USPL1: variants seen among roughly 807,000 people sequenced by gnomAD.
The protein encoded by USPL1 is SUMO-specific isopeptidase USPL1.
USPL1 carries 27 observed loss-of-function variants against 51.5 expected under a neutral mutation model. The ratio of observed to expected loss-of-function variants is 0.52; its 90% CI spans 0.39 to 0.72. The LOEUF (loss-of-function observed/expected upper bound fraction) is 0.72, where lower values mean the gene tolerates loss of function less well. Ranked by LOEUF, USPL1 falls within the 30% of genes least tolerant of loss-of-function variation. USPL1 has a pLI of 0.00. For synonymous variants in USPL1, 451 were observed against 459.6 expected (o/e 0.98, Z 0.24); for missense variants, 1,226 against 1,268.0 (o/e 0.97, Z 0.50).
chr13:30,621,788 T>G lies in USPL1; in HGVS notation c.124T>G (p.Ser42Ala), dbSNP rs774361891. ...GAATTTTGATTCAGCTAAAGTTCCA[T>G]CAGATGAGTATTGCCCTGCTTGTAG... ...GKNFDSAKVPSDEYCPACREK... is the reference protein window; with the variant it reads ...GKNFDSAKVPADEYCPACREK... The change falls in exon 3 of 9, where the codon TCA becomes GCA. Residue 42 changes from serine to alanine, a missense_variant. Physicochemically the swap from Ser to Ala is moderately conservative, Grantham distance 99 (BLOSUM62 1). Coordinates refer to ENST00000255304, the MANE Select transcript of USPL1 (RefSeq NM_005800.5). The G allele has an allele frequency of 6.4e-7, 1 of 1,551,472 alleles. No homozygotes were observed. Among genetic ancestry groups the G allele is most frequent in the Non-Finnish European group, 8.7e-7 (1 of 1,153,348 alleles).
intron 7 of USPL1, among the ~76,000 whole-genome samples, chr13:30,651,864 G>A (rs191509589): frequency 6.0e-4 from 92 of 152,268 alleles, no homozygotes; most frequent in African/African-American, 2.2e-3. Context: ...GCTGTGGTGG[G>A]AGAATCACTT....
rs749149317 is a variant in USPL1, at chr13:30,647,005, C to T, written c.1186C>T (p.Pro396Ser). 23 of 1,613,536 alleles carry T rather than the reference C, an allele frequency of 1.4e-5. No individual in the cohort carries two copies. The highest frequency in any genetic ancestry group is 2.2e-5 in the South Asian group (2 of 91,050). Residue 396 changes from proline to serine, a missense_variant, in exon 7 of 9, where the codon CCA (proline) becomes TCA (serine). Physicochemically the swap from Pro to Ser is moderately conservative, Grantham distance 74. Coordinates refer to ENST00000255304, the MANE Select transcript of USPL1 (RefSeq NM_005800.5). ...WHPLNAAHFG[P>S]CNNCNSKSQI... Reference sequence around the variant, plus strand: ...CCCACTTAATGCTGCCCATTTTGGTCCATGTAACAATTGCAACAGTAAATC... The same window carrying T: ...CCCACTTAATGCTGCCCATTTTGGTTCATGTAACAATTGCAACAGTAAATC...
chr13:30,645,023 A>C (rs1014078241), intron 6 of USPL1, among the ~76,000 whole-genome samples: 2 of 152,142 alleles, frequency 1.3e-5, no homozygotes, highest in Non-Finnish European at 2.9e-5. Flanking sequence ...CTCATTTGGC[A>C]CGTATGGATA....
rs78820192 is a variant in USPL1, at chr13:30,634,723, G to C, written c.869-3021G>C. Among the ~76,000 whole-genome samples the C allele has an allele frequency of 1.4e-4, 21 of 152,274 alleles. No individual in the cohort carries two copies. The East Asian group carries it at 4.0e-3, about 29-fold the overall frequency. ...TTTCCCTTCTGTATAACAAAGGAAT[G>C]GAAAATTATAGACTTTCGTGTCCAA... is the stretch of plus-strand genomic sequence containing the variant. On this transcript the variant is annotated intron_variant, in intron 4 of 8. Transcript: ENST00000255304.
intron 5 of USPL1, among the ~76,000 whole-genome samples, chr13:30,638,768 A>G (rs1001953741): frequency 6.6e-6 from 1 of 151,248 alleles, no homozygotes; most frequent in African/African-American, 2.4e-5. Context: ...CATTTAACTT[A>G]TATTAAAAAA....
intron 3 of USPL1, among the ~76,000 whole-genome samples, chr13:30,628,226 G>A (rs1328236116): frequency 6.6e-6 from 1 of 151,756 alleles, no homozygotes; most frequent in Non-Finnish European, 1.5e-5. Context: ...ATCAGACTCA[G>A]TACCTCATAT....
chr13:30,626,346 AAATC>A (rs1555247206), intron 3 of USPL1, among the ~76,000 whole-genome samples: 1 of 140,832 alleles, frequency 7.1e-6, no homozygotes, highest in Non-Finnish European at 1.5e-5. Context: ...ATAAATAAAT[AAATC>A]AAAAGAAGAA....
intron 7 of USPL1, among the ~76,000 whole-genome samples, chr13:30,647,453 ATCT>A (rs1951032987): frequency 6.6e-6 from 1 of 152,164 alleles, no homozygotes; most frequent in Non-Finnish European, 1.5e-5. Context: ...CTGAATTTCC[ATCT>A]TCTCCTAGAT....
Position 30,658,807 on chromosome 13 carries a change from G to A in USPL1, c.2730G>A (p.Pro910=), listed in dbSNP as rs763862859. 1.1e-5 allele frequency: 18 copies of A among 1,613,740 alleles called. No homozygotes were observed. The highest frequency in any genetic ancestry group is 2.2e-5 in the South Asian group (2 of 91,074). The change falls in exon 9 of 9, where the codon CCG becomes CCA. Residue 910 remains proline (P), a synonymous_variant. Transcript: ENST00000255304. ...KKKLAALMSS[P]QSRTVRSENL... The stretch of plus-strand genomic sequence containing the variant: ...AATTAGCTGCTCTTATGTCTTCCCC[G>A]CAAAGCAGAACAGTTCGAAGTGAAA...
intron 3 of USPL1, among the ~76,000 whole-genome samples, 192 bp downstream of exon 3, chr13:30,622,084 C>T (rs928457617): frequency 4.0e-5 from 6 of 151,674 alleles, no homozygotes; most frequent in African/African-American, 4.8e-5. Context: ...TAAAGATGTT[C>T]GTTTTTATTG....
chr13:30,631,032 T>TG lies in USPL1; in HGVS notation c.428dup (p.Glu144ArgfsTer4). Reference sequence around the variant, plus strand: ...GAAAAGTTTTGAACAGCAAACATAATGGAGAAGTATATGACGAAACCTCGT... The same window carrying TG: ...GAAAAGTTTTGAACAGCAAACATAATGGGAGAAGTATATGACGAAACCTCGT... On this transcript the variant is annotated frameshift_variant, in exon 4 of 9. Coordinates refer to ENST00000255304, the MANE Select transcript of USPL1 (RefSeq NM_005800.5). LOFTEE classifies it high-confidence loss of function. The TG allele has an allele frequency of 6.2e-7, 1 of 1,614,116 alleles. No homozygotes were observed. Among genetic ancestry groups the TG allele is most frequent in the Non-Finnish European group, 8.5e-7 (1 of 1,180,026 alleles).
At chr13:30,638,274 T>C (rs1950902297) in intron 5 of USPL1, among the ~76,000 whole-genome samples, 1 of 152,168 alleles carries the variant, frequency 6.6e-6, no homozygotes, top group Admixed American at 6.5e-5. Context: ...TCAGTAATTT[T>C]TAGAAACCCC....
intron 4 of USPL1, among the ~76,000 whole-genome samples, chr13:30,637,091 G>A (rs1361929384): frequency 6.6e-6 from 1 of 152,144 alleles, no homozygotes; most frequent in Non-Finnish European, 1.5e-5. Context: ...GAGTAGCTGG[G>A]ACTACGGGTG....
intron 4 of USPL1, among the ~76,000 whole-genome samples, chr13:30,632,500 G>A (rs1440919858): frequency 3.6e-5 from 5 of 138,986 alleles, no homozygotes; most frequent in Admixed American, 1.6e-4. Context: ...TGCAACCTCC[G>A]CCTCTCAGGT....
chr13:30,658,408 T>G lies in USPL1; in HGVS notation c.2331T>G (p.Ala777=). ...CTTTTATGCCACTCTGTGTTTCAGC[T>G]CATAATAGAAACACTATAACTGATT... ...GASFMPLCVS[A]HNRNTITDLQ... is the part of the protein sequence containing the mutation. The change falls in exon 9 of 9, where the codon GCT becomes GCG. Residue 777 remains alanine, a synonymous_variant. Transcript: ENST00000255304. 1.2e-6 allele frequency: 2 copies of G among 1,613,718 alleles called. No homozygotes were observed. The highest frequency in any genetic ancestry group is 1.7e-6 in the Non-Finnish European group (2 of 1,180,020).
At chr13:30,624,235 A>G (rs1950681509) in intron 3 of USPL1, among the ~76,000 whole-genome samples, 1 of 152,206 alleles carries the variant, frequency 6.6e-6, no homozygotes, top group Admixed American at 6.5e-5. Flanking sequence ...GCCCCCACAC[A>G]TCTGGTCACA....
In USPL1 at chr13:30,646,045, A is replaced by G. The variant is rs1951013604; in HGVS notation, c.1113-887A>G. On this transcript the variant is annotated intron_variant, in intron 6 of 8. Coordinates refer to ENST00000255304, the MANE Select transcript of USPL1 (RefSeq NM_005800.5). The stretch of plus-strand genomic sequence containing the variant: ...AGCAGAAATCAGTGCATTTGTTGAT[A>G]TCTTTATGTTGCTTTGCTTTTAAAA... Among the ~76,000 whole-genome samples, 2 of 152,224 alleles carry G rather than the reference A, an allele frequency of 1.3e-5. 1 individual carries two copies. Among genetic ancestry groups the G allele is most frequent in the South Asian group, 4.1e-4 (2 of 4,836 alleles).
chr13:30,635,480 T>G (rs1487105779), intron 4 of USPL1, among the ~76,000 whole-genome samples: 1 of 152,226 alleles, frequency 6.6e-6, no homozygotes, highest in African/African-American at 2.4e-5. Flanking sequence ...ACTCTCAATT[T>G]TATTCTCTTG....
Position 30,657,651 on chromosome 13 carries a change from A to T in USPL1, c.1574A>T (p.Asn525Ile), listed in dbSNP as rs774173676. 6.2e-7 allele frequency: 1 copy of T among 1,614,166 alleles called. No individual in the cohort carries two copies. ...ACTAATGACCAACACGCTCTCAGTA[A>T]TGAGAAACCAGTATCTTTAACATCG... ...KKTNDQHALS[N>I]EKPVSLTSCS... The change falls in exon 9 of 9, where the codon AAT becomes ATT. Residue 525 changes from asparagine to isoleucine, a missense_variant. Physicochemically the swap from Asn to Ile is moderately radical, Grantham distance 149. Transcript: ENST00000255304.
Sources: gnomAD v4.1 joint callset for allele counts (sites outside exome capture counted in the v4.1 genomes callset) on GRCh38, gnomAD v4.1.1 for gene constraint, MANE v1.5 for transcripts, NCBI Gene and HGNC (gene_info 2026-07-23, HGNC 2026-07-21) for gene names.